The following PTPRK variants were observed in gnomAD, a reference collection of about 807,000 sequenced individuals.
PTPRK encodes receptor-type tyrosine-protein phosphatase kappa.
A neutral mutation model predicts 178.0 loss-of-function variants in PTPRK; 75 were observed. The ratio of observed to expected loss-of-function variants is 0.42; its 90% confidence interval spans 0.35 to 0.51. The LOEUF (loss-of-function observed/expected upper bound fraction) is 0.51. Ranked by LOEUF, PTPRK falls within the 20% of genes least tolerant of loss-of-function variation. PTPRK has a pLI of 0.02. For synonymous variants in PTPRK, 637 were observed against 620.6 expected (o/e 1.03, Z -0.39); for missense variants, 1,441 against 1,797.8 (o/e 0.80, Z 3.59).
chr6:128,170,655 T>C (rs1029956825), intron 7 of PTPRK, among the ~76,000 whole-genome samples: 13 of 152,034 alleles, frequency 8.6e-5, no homozygotes, highest in African/African-American at 2.9e-4. Context: ...TTGTTACCTT[T>C]CATTTTTTTC....
At chr6:128,052,686 T>A (rs1779218160) in intron 13 of PTPRK, among the ~76,000 whole-genome samples, 1 of 152,228 alleles carries the variant, frequency 6.6e-6, no homozygotes. Context: ...TCTGCTAGGC[T>A]CTTCCAATGT....
intron 1 of PTPRK, among the ~76,000 whole-genome samples, chr6:128,462,787 C>T (rs1039750909): frequency 6.6e-6 from 1 of 151,940 alleles, no homozygotes; most frequent in Non-Finnish European, 1.5e-5. Context: ...TCCCAAGTAG[C>T]TGGGATTACA....
intron 3 of PTPRK, chr6:128,321,580 T>A (rs1435444539): frequency 1.9e-6 from 1 of 525,962 alleles, no homozygotes; most frequent in East Asian, 3.3e-5. Context: ...CTTAACATAG[T>A]TCATGAAACT....
At chr6:128,449,688 G>A (rs958995752) in intron 1 of PTPRK, among the ~76,000 whole-genome samples, 14 of 151,972 alleles carry the variant, frequency 9.2e-5, no homozygotes, top group Non-Finnish European at 1.9e-4. Flanking sequence ...ATGTGAATTA[G>A]GTGCTATGTT....
rs143573017 is a variant in PTPRK, at chr6:128,293,728, T to C, written c.495+28311A>G. ...GATCAAAATACTTTTCCAGGAATTA[T>C]CTGAATTACAGGCTCTTAGGTTTAC... is the stretch of plus-strand genomic sequence containing the variant. On this transcript the variant is annotated intron_variant, in intron 3 of 29. Coordinates refer to ENST00000368226, the MANE Select transcript of PTPRK (RefSeq NM_002844.4). 1.7e-3 allele frequency among the ~76,000 whole-genome samples: 253 copies of C among 152,256 alleles called. 1 individual carries two copies. Among genetic ancestry groups the C allele is most frequent in the African/African-American group, 5.7e-3 (239 of 41,566 alleles).
chr6:128,036,502 T>C (rs1270708219), intron 13 of PTPRK, among the ~76,000 whole-genome samples: 1 of 152,204 alleles, frequency 6.6e-6, no homozygotes, highest in East Asian at 1.9e-4. Context: ...AAAAGGAACA[T>C]GGACAAGTAC....
At chr6:128,338,852 C>A (rs972126823) in intron 2 of PTPRK, among the ~76,000 whole-genome samples, 3 of 144,306 alleles carry the variant, frequency 2.1e-5, no homozygotes, top group Non-Finnish European at 4.5e-5. Context: ...AAGAGATTCA[C>A]CAAATATAGG....
intron 3 of PTPRK, among the ~76,000 whole-genome samples, chr6:128,273,006 A>T (rs1820109603): frequency 6.6e-6 from 1 of 152,260 alleles, no homozygotes; most frequent in Non-Finnish European, 1.5e-5. Context: ...TGGCACATAT[A>T]CACCATTGAA....
intron 6 of PTPRK, among the ~76,000 whole-genome samples, chr6:128,194,064 A>ATATTATTAT (rs373236074): frequency 1.2e-3 from 164 of 137,548 alleles, no homozygotes; most frequent in East Asian, 5.6e-3. Context: ...ATTTATATAT[A>ATATTATTAT]TATTATTATT....
intron 3 of PTPRK, among the ~76,000 whole-genome samples, chr6:128,291,510 G>C (rs1254315679): frequency 6.6e-6 from 1 of 152,074 alleles, no homozygotes; most frequent in Non-Finnish European, 1.5e-5. Context: ...TACTAGTAAG[G>C]AACTGAGTTA....
At chr6:128,006,803 T>C (rs2114710732) in intron 14 of PTPRK, among the ~76,000 whole-genome samples, 1 of 151,112 alleles carries the variant, frequency 6.6e-6, no homozygotes, top group Non-Finnish European at 1.5e-5. Flanking sequence ...CATTGCGTTT[T>C]GAAAGATGCA....
At position 128,365,725 on chromosome 6, in the gene PTPRK, C is replaced by A. The variant is rs941149089; in HGVS notation, c.223+31841G>T. 2.0e-5 allele frequency among the ~76,000 whole-genome samples: 3 copies of A among 152,170 alleles called. No individual in the cohort carries two copies. In the East Asian group the frequency reaches 5.8e-4, roughly 29 times the overall value. On this transcript the variant is annotated intron_variant, in intron 2 of 29. Coordinates refer to ENST00000368226, the MANE Select transcript of PTPRK (RefSeq NM_002844.4). ...ACTTTTAGAACACAGAGAACAGGTA[C>A]CTCTCCTGGCTGGAGAGTTGAATGG...
chr6:127,975,979 A>G (rs1583470576), intron 27 of PTPRK, among the ~76,000 whole-genome samples: 1 of 150,512 alleles, frequency 6.6e-6, no homozygotes, highest in African/African-American at 2.4e-5. Flanking sequence ...CTTTATTAGC[A>G]CTTTTTTTTT....
intron 2 of PTPRK, among the ~76,000 whole-genome samples, chr6:128,365,313 A>C (rs184700038): frequency 2.0e-5 from 3 of 152,098 alleles, no homozygotes; most frequent in Non-Finnish European, 4.4e-5. Context: ...AATCAAAGTC[A>C]TTTGGTCAGT....
chr6:128,032,752 A>T (rs1775555769), intron 13 of PTPRK, among the ~76,000 whole-genome samples: 1 of 152,144 alleles, frequency 6.6e-6, no homozygotes, highest in South Asian at 2.1e-4. Flanking sequence ...CAATAACATG[A>T]AGAAAGGAGT....
intron 6 of PTPRK, among the ~76,000 whole-genome samples, chr6:128,209,283 G>A (rs1807623949): frequency 6.6e-6 from 1 of 152,048 alleles, no homozygotes; most frequent in South Asian, 2.1e-4. Context: ...TTCTTAGTCT[G>A]GCACTCAAAT....
At chr6:128,062,554 T>C (rs985711026) in intron 13 of PTPRK, 1 of 167,126 alleles carries the variant, frequency 6.0e-6, no homozygotes, top group Non-Finnish European at 1.5e-5. Flanking sequence ...TTTTTATACA[T>C]ATTTCATTCA....
intron 22 of PTPRK, 96 bp downstream of exon 22, chr6:127,985,625 G>T: frequency 1.5e-6 from 2 of 1,327,478 alleles, no homozygotes; most frequent in Non-Finnish European, 2.0e-6. Flanking sequence ...CTGGAACTTC[G>T]TAAGCACACA....
intron 23 of PTPRK, 22 bp downstream of exon 23, chr6:127,983,220 C>T (rs558700377): frequency 1.9e-6 from 3 of 1,558,458 alleles, no homozygotes; most frequent in African/African-American, 2.8e-5. Context: ...AAAAAAAGTC[C>T]ACTACAGGTA....
Sources: allele counts gnomAD v4.1 joint callset (sites outside exome capture counted in the v4.1 genomes callset), GRCh38; gene constraint gnomAD v4.1.1; transcripts MANE v1.5; gene names NCBI Gene and HGNC (gene_info 2026-07-23, HGNC 2026-07-21).